DCDC2: variants seen among roughly 807,000 people sequenced by gnomAD.
The protein encoded by DCDC2 is doublecortin domain containing 2.
Under a neutral mutation model 50.2 loss-of-function variants are expected in DCDC2, and 40 were observed. That is an observed-to-expected ratio of 0.80 (90% CI 0.62 to 1.04). The LOEUF (loss-of-function observed/expected upper bound fraction) is 1.04, where lower values mean the gene tolerates loss of function less well. Ranked by LOEUF, DCDC2 falls within the 50% of genes least tolerant of loss-of-function variation. DCDC2 has a pLI of 0.00. For synonymous variants in DCDC2, 234 were observed against 210.6 expected (o/e 1.11, Z -0.96); for missense variants, 570 against 581.9 (o/e 0.98, Z 0.21).
intron 4 of DCDC2, among the ~76,000 whole-genome samples, chr6:24,293,122 T>C (rs1486760265): frequency 6.6e-6 from 1 of 152,218 alleles, no homozygotes; most frequent in African/African-American, 2.4e-5. Flanking sequence ...TTTTTGTTAA[T>C]AGAGACAAGG....
At chr6:24,287,307 C>T (rs976910042) in intron 6 of DCDC2, among the ~76,000 whole-genome samples, 3 of 152,144 alleles carry the variant, frequency 2.0e-5, no homozygotes, top group Non-Finnish European at 4.4e-5. Flanking sequence ...TCCTCCCCTG[C>T]CATTTGCTCA....
intron 4 of DCDC2, among the ~76,000 whole-genome samples, chr6:24,293,423 C>T (rs149930315): frequency 6.4e-4 from 98 of 152,214 alleles, no homozygotes; most frequent in African/African-American, 2.1e-3. Context: ...TAAAGGAAAA[C>T]GGTCATATCC....
intron 2 of DCDC2, among the ~76,000 whole-genome samples, chr6:24,304,308 C>A (rs970874868): frequency 2.6e-5 from 4 of 152,114 alleles, no homozygotes; most frequent in Non-Finnish European, 4.4e-5. Context: ...CATGGTGAAA[C>A]CCTATCTCTA....
intron 4 of DCDC2, among the ~76,000 whole-genome samples, 159 bp downstream of exon 4, chr6:24,301,556 T>A (rs910619792): frequency 1.3e-5 from 2 of 152,118 alleles, no homozygotes; most frequent in African/African-American, 4.8e-5. Context: ...TAAACAACGC[T>A]ATGAGGTATA....
At chr6:24,359,357 G>A (rs1300481041), upstream of DCDC2, among the ~76,000 whole-genome samples, 5,830 of 25,186 alleles carry the variant, frequency 0.23, 1,138 homozygotes, top group African/African-American at 0.53. Context: ...TATATTTTAT[G>A]TATATTATAT....
At chr6:24,232,110 T>C (rs898867564) in intron 7 of DCDC2, among the ~76,000 whole-genome samples, 1 of 152,072 alleles carries the variant, frequency 6.6e-6, no homozygotes, top group Non-Finnish European at 1.5e-5. Context: ...TTTAATCGAA[T>C]ATAACAGATA....
At chr6:24,312,929 T>C (rs986867747) in intron 2 of DCDC2, among the ~76,000 whole-genome samples, 1 of 152,196 alleles carries the variant, frequency 6.6e-6, no homozygotes, top group Admixed American at 6.5e-5. Flanking sequence ...TCATAAGTAA[T>C]ACCTTCTTTG....
intron 2 of DCDC2, among the ~76,000 whole-genome samples, chr6:24,349,088 A>T (rs571962194): frequency 6.6e-6 from 1 of 152,364 alleles, no homozygotes; most frequent in East Asian, 1.9e-4. Context: ...TGAAGGATGT[A>T]CTACATGGAT....
chr6:24,284,948 T>G (rs1763562803), intron 6 of DCDC2, among the ~76,000 whole-genome samples: 1 of 152,152 alleles, frequency 6.6e-6, no homozygotes. Flanking sequence ...ATTTTCCCCA[T>G]AGCATTTATC....
At chr6:24,206,644 T>C (rs1295167607) in intron 7 of DCDC2, among the ~76,000 whole-genome samples, 5 of 152,220 alleles carry the variant, frequency 3.3e-5, no homozygotes, top group Admixed American at 2.6e-4. Flanking sequence ...ATGAAATGTT[T>C]AACTGTATCC....
intron 7 of DCDC2, among the ~76,000 whole-genome samples, chr6:24,259,041 A>G (rs1388864301): frequency 6.6e-6 from 1 of 152,160 alleles, no homozygotes; most frequent in African/African-American, 2.4e-5. Flanking sequence ...ACTTTTGTTC[A>G]TATTATGAAC....
intron 2 of DCDC2, among the ~76,000 whole-genome samples, chr6:24,340,380 C>T (rs981312133): frequency 5.3e-5 from 8 of 152,168 alleles, no homozygotes; most frequent in African/African-American, 1.2e-4. Flanking sequence ...GAAGAAGTAC[C>T]GGCTAGCGGA....
intron 7 of DCDC2, among the ~76,000 whole-genome samples, chr6:24,262,015 A>T (rs529054659): frequency 6.6e-6 from 1 of 152,124 alleles, no homozygotes; most frequent in Non-Finnish European, 1.5e-5. Flanking sequence ...CCCTTCATAA[A>T]AAACAAATAT....
At chr6:24,302,591 G>A (rs9467105) in intron 2 of DCDC2, among the ~76,000 whole-genome samples, 6,176 of 151,902 alleles carry the variant, frequency 0.041, 138 homozygotes, top group South Asian at 0.063. Context: ...GTACACTCAC[G>A]CCAGCACCCT....
intron 4 of DCDC2, among the ~76,000 whole-genome samples, chr6:24,292,644 G>A (rs760923928): frequency 1.3e-5 from 2 of 152,236 alleles, no homozygotes; most frequent in Non-Finnish European, 2.9e-5. Flanking sequence ...AAGGCAAGAG[G>A]ATCGCTTGAG....
chr6:24,225,428 T>C (rs558433960), intron 7 of DCDC2, among the ~76,000 whole-genome samples: 2 of 151,528 alleles, frequency 1.3e-5, no homozygotes, highest in African/African-American at 4.8e-5. Context: ...CACACACAAA[T>C]ATGTGTGCAT....
chr6:24,229,192 A>C (rs982930558), intron 7 of DCDC2, among the ~76,000 whole-genome samples: 16 of 152,174 alleles, frequency 1.1e-4, no homozygotes, highest in South Asian at 2.1e-4. Context: ...GCTAAAATCA[A>C]GGTGTTGGCA....
chr6:24,373,979 A>G, the DCDC2 span, among the ~76,000 whole-genome samples: 1 of 151,788 alleles, frequency 6.6e-6, no homozygotes, highest in Non-Finnish European at 1.5e-5. Flanking sequence ...TGGCTAACAC[A>G]GTGAAACCCC....
At chr6:24,349,882 T>C (rs1215999659) in intron 2 of DCDC2, among the ~76,000 whole-genome samples, 1 of 152,134 alleles carries the variant, frequency 6.6e-6, no homozygotes, top group East Asian at 1.9e-4. Context: ...GAGTCAGGGA[T>C]AGGCTGCTCT....
Sources: allele counts gnomAD v4.1 joint callset (sites outside exome capture counted in the v4.1 genomes callset), GRCh38; gene constraint gnomAD v4.1.1; transcripts MANE v1.5; gene names NCBI Gene and HGNC (gene_info 2026-07-23, HGNC 2026-07-21).